Variants in GSTCD observed in about 807,000 individuals in gnomAD.
The protein encoded by GSTCD is glutathione S-transferase C-terminal domain-containing protein.
Under a neutral mutation model 68.3 loss-of-function variants are expected in GSTCD, and 44 were observed. The observed-to-expected ratio is 0.64, with a 90% CI of 0.51 to 0.83. GSTCD has a LOEUF of 0.83. GSTCD is among the 40% of genes least tolerant of loss of function. The probability of loss-of-function intolerance (pLI) is 0.00; values close to 1 mark genes in which losing one functional copy is unlikely to be tolerated. For synonymous variants in GSTCD, 273 were observed against 255.2 expected, an observed-to-expected ratio of 1.07 and a Z score of -0.67; for missense variants, 739 against 735.9, an observed-to-expected ratio of 1.00 and a Z score of -0.05.
At chr4:105,840,322 G>A in intron 10 of GSTCD, 1 of 362,372 alleles carries the variant, frequency 2.8e-6, no homozygotes, top group Non-Finnish European at 5.7e-6. Flanking sequence ...TTTCGTTGAT[G>A]CCTGTTAGTT....
chr4:105,799,781 G>T (rs1332395061), intron 5 of GSTCD, among the ~76,000 whole-genome samples: 8 of 140,516 alleles, frequency 5.7e-5, no homozygotes, highest in Non-Finnish European at 1.1e-4. Context: ...ATGCTGTTGG[G>T]AAAACAGCAC....
At chr4:105,764,801 T>C (rs1368936958) in intron 5 of GSTCD, among the ~76,000 whole-genome samples, 1 of 152,216 alleles carries the variant, frequency 6.6e-6, no homozygotes, top group African/African-American at 2.4e-5. Flanking sequence ...CATCAGTGAT[T>C]GTGGGTAATC....
chr4:105,830,664 A>T (rs1723856181), intron 8 of GSTCD, among the ~76,000 whole-genome samples: 1 of 152,186 alleles, frequency 6.6e-6, no homozygotes, highest in Non-Finnish European at 1.5e-5. Context: ...CCCAGGAAAG[A>T]TGTCTCTAGG....
chr4:105,729,785 G>A (rs1028102938), intron 5 of GSTCD, among the ~76,000 whole-genome samples: 2 of 152,064 alleles, frequency 1.3e-5, no homozygotes, highest in Non-Finnish European at 2.9e-5. Flanking sequence ...AGGTACATGA[G>A]CACAACGTGC....
Position 105,837,593 on chromosome 4 carries a change from T to C in GSTCD, c.1665-266T>C, listed in dbSNP as rs181142084. Among the ~76,000 whole-genome samples the C allele has an allele frequency of 5.0e-3, 769 of 152,298 alleles. 28 individuals are homozygous for C. The highest frequency in any genetic ancestry group is 0.046 in the Admixed American group (696 of 15,286). On this transcript the variant is annotated intron_variant, in intron 9 of 11. Coordinates refer to ENST00000515279, the MANE Select transcript of GSTCD (RefSeq NM_001370181.1). ...ACATGTTAAAACACCTGGATCTTAGTGTTCCCATGAGGGATAGAGACAAAA... is the reference window on the plus strand; with the variant it reads ...ACATGTTAAAACACCTGGATCTTAGCGTTCCCATGAGGGATAGAGACAAAA...
At chr4:105,733,299 C>A (rs1733323807) in intron 5 of GSTCD, among the ~76,000 whole-genome samples, 1 of 152,134 alleles carries the variant, frequency 6.6e-6, no homozygotes. Context: ...GTTAAAATCT[C>A]CCATTATTAT....
intron 3 of GSTCD, among the ~76,000 whole-genome samples, chr4:105,725,192 A>G (rs72671852): frequency 0.051 from 7,795 of 152,074 alleles, 238 homozygotes; most frequent in Middle Eastern, 0.13. Context: ...TTCTTTTTCT[A>G]TTGATGGTTG....
In GSTCD at chr4:105,708,892, C is replaced by T. The variant is rs530800072; in HGVS notation, c.-146C>T. On this transcript the variant is annotated 5_prime_UTR_variant, in exon 1 of 12. Transcript: ENST00000515279. ...CCTGGCGTCTGTGGAGGCGAGTGGT[C>T]TGCGGGCAGCAGCTCCCAGAGGCAG... is the stretch of plus-strand genomic sequence containing the variant. 25 of 152,804 alleles carry T rather than the reference C, an allele frequency of 1.6e-4. No individual in the cohort carries two copies. Among genetic ancestry groups the T allele is most frequent in the Non-Finnish European group, 2.9e-4 (20 of 68,122 alleles). The allele number at this position is 152,804 out of a possible 1,614,324, so 9.5% of individuals were successfully genotyped here.
At chr4:105,839,960 C>G (rs1442250614) in intron 10 of GSTCD, among the ~76,000 whole-genome samples, 1 of 152,126 alleles carries the variant, frequency 6.6e-6, no homozygotes, top group East Asian at 1.9e-4. Flanking sequence ...TTCTCCAACA[C>G]CCCCAAAAGC....
intron 5 of GSTCD, among the ~76,000 whole-genome samples, chr4:105,755,877 A>T (rs560756483): frequency 6.6e-6 from 1 of 152,186 alleles, no homozygotes; most frequent in East Asian, 1.9e-4. Flanking sequence ...GGGCTTTCAC[A>T]GCAGGTATGT....
chr4:105,747,712 A>G lies in GSTCD; in HGVS notation c.1240+18213A>G, dbSNP rs527432240. ...ATACTGACAAATATAAGTGGAAGTG[A>G]AAGTATCCTGATAATGTAAATAAAA... On this transcript the variant is annotated intron_variant, in intron 5 of 11. Coordinates refer to ENST00000515279, the MANE Select transcript of GSTCD (RefSeq NM_001370181.1). 2.0e-5 allele frequency among the ~76,000 whole-genome samples: 3 copies of G among 152,332 alleles called. No individual in the cohort carries two copies. In the East Asian group the frequency reaches 5.8e-4, roughly 29 times the overall value.
chr4:105,799,339 T>G (rs1379775805), intron 5 of GSTCD, among the ~76,000 whole-genome samples: 1 of 152,224 alleles, frequency 6.6e-6, no homozygotes, highest in Non-Finnish European at 1.5e-5. Context: ...AGAACATCTT[T>G]GCATTCATAT....
At chr4:105,767,597 G>T (rs1734668214) in intron 5 of GSTCD, among the ~76,000 whole-genome samples, 2 of 151,872 alleles carry the variant, frequency 1.3e-5, no homozygotes, top group Admixed American at 1.3e-4. Context: ...TTACATTTTT[G>T]CATATTCTTC....
intron 5 of GSTCD, among the ~76,000 whole-genome samples, chr4:105,752,943 C>T (rs1293346214): frequency 2.0e-5 from 3 of 152,028 alleles, no homozygotes; most frequent in African/African-American, 7.2e-5. Context: ...TGTGTGGGGC[C>T]ATTTTAATTT....
intron 5 of GSTCD, among the ~76,000 whole-genome samples, chr4:105,803,014 A>G (rs545788852): frequency 1.3e-5 from 2 of 152,216 alleles, no homozygotes; most frequent in South Asian, 2.1e-4. Flanking sequence ...ACTCTGCTGC[A>G]GTACTATTTA....
intron 3 of GSTCD, among the ~76,000 whole-genome samples, chr4:105,722,603 G>T (rs1311024607): frequency 6.6e-6 from 1 of 152,000 alleles, no homozygotes; most frequent in East Asian, 1.9e-4. Flanking sequence ...TGATTGTAAA[G>T]GAATGCAAAG....
chr4:105,718,116 C>A (rs1732740649), intron 2 of GSTCD, 77 bp downstream of exon 2: 7 of 1,147,058 alleles, frequency 6.1e-6, no homozygotes, highest in African/African-American at 1.6e-5. Context: ...AATATTTTAA[C>A]TTCCTATTAG....
intron 5 of GSTCD, among the ~76,000 whole-genome samples, chr4:105,764,760 T>C (rs1734543067): frequency 6.6e-6 from 1 of 152,228 alleles, no homozygotes; most frequent in African/African-American, 2.4e-5. Flanking sequence ...AACATAATTT[T>C]TGGGGGACAC....
chr4:105,843,712 T>C (rs530229485), intron 11 of GSTCD, among the ~76,000 whole-genome samples: 2 of 152,282 alleles, frequency 1.3e-5, no homozygotes, highest in South Asian at 2.1e-4. Context: ...GACCTCACAT[T>C]AGGCCCCACT....
Sources: gnomAD v4.1 joint callset for allele counts (sites outside exome capture counted in the v4.1 genomes callset) on GRCh38, gnomAD v4.1.1 for gene constraint, MANE v1.5 for transcripts, NCBI Gene and HGNC (gene_info 2026-07-23, HGNC 2026-07-21) for gene names.